BSPH1: variants seen among roughly 807,000 people sequenced by gnomAD.
BSPH1 encodes the protein binder of sperm protein homolog 1.
A neutral mutation model predicts 22.5 loss-of-function variants in BSPH1; 21 were observed. The ratio of observed to expected loss-of-function variants is 0.93; its 90% CI spans 0.66 to 1.35. BSPH1 has a LOEUF of 1.35. Ranked by LOEUF, BSPH1 falls within the 40% of genes most tolerant of loss-of-function variation. BSPH1 has a pLI of 0.00. For missense variants in BSPH1, 141 were observed against 154.2 expected (o/e 0.91, Z 0.45); for synonymous variants, 42 against 53.6 (o/e 0.78, Z 0.95).
intron 1 of BSPH1, among the ~76,000 whole-genome samples, chr19:47,991,450 CTCCTCCTCCTCCTTCCTT>C (rs1966873100): frequency 6.7e-6 from 1 of 149,700 alleles, no homozygotes; most frequent in South Asian, 2.2e-4. Context: ...TCCTTCTCCT[CTCCTCCTCCTCCTTCCTT>C]TCCTCCTCCT....
At chr19:47,968,860 A>C (rs1201305711) in intron 5 of BSPH1, among the ~76,000 whole-genome samples, 1 of 151,624 alleles carries the variant, frequency 6.6e-6, no homozygotes, top group Non-Finnish European at 1.5e-5. Context: ...TTAGTTGGGC[A>C]TGGTGGCGTG....
intron 1 of BSPH1, 74 bp from the exon 2 acceptor site, chr19:47,981,015 T>G: frequency 2.4e-6 from 2 of 825,790 alleles, no homozygotes; most frequent in South Asian, 3.7e-5. Context: ...CACCAATTTC[T>G]ATTCTAGTAA....
chr19:47,969,547 A>G, intron 5 of BSPH1, among the ~76,000 whole-genome samples: 1 of 152,130 alleles, frequency 6.6e-6, no homozygotes, highest in East Asian at 1.9e-4. Context: ...CTGTAATTCA[A>G]ATGGAGAAAA....
chr19:47,975,780 T>G (rs985986015), intron 5 of BSPH1, among the ~76,000 whole-genome samples: 1 of 151,312 alleles, frequency 6.6e-6, no homozygotes, highest in Non-Finnish European at 1.5e-5. Flanking sequence ...CTCAGCCTCC[T>G]GAGTAGCTGG....
chr19:47,975,093 C>A (rs992923986), intron 5 of BSPH1, among the ~76,000 whole-genome samples: 1 of 152,196 alleles, frequency 6.6e-6, no homozygotes, highest in Admixed American at 6.5e-5. Flanking sequence ...CAGTTTCTAC[C>A]GAAGGTGACT....
chr19:47,986,515 G>C (rs1455751445), intron 1 of BSPH1, among the ~76,000 whole-genome samples: 1 of 152,080 alleles, frequency 6.6e-6, no homozygotes, highest in Non-Finnish European at 1.5e-5. Context: ...GAGCCAGGAG[G>C]ACTGCTTGAA....
chr19:47,990,903 A>G (rs1039506953), intron 1 of BSPH1, among the ~76,000 whole-genome samples: 1 of 152,240 alleles, frequency 6.6e-6, no homozygotes, highest in Non-Finnish European at 1.5e-5. Flanking sequence ...GCATGAAGGG[A>G]GGAGACACAT....
downstream of BSPH1, among the ~76,000 whole-genome samples, chr19:47,967,489 A>G (rs1406227961): frequency 1.3e-5 from 2 of 152,194 alleles, no homozygotes; most frequent in Non-Finnish European, 2.9e-5. Flanking sequence ...GTACAGGATC[A>G]AGGTGACATC....
rs757548658 is a variant in BSPH1, at chr19:47,974,255, T to TTCTCTCTC, written c.*2+2447_*2+2454dup. Among the ~76,000 whole-genome samples the TTCTCTCTC allele has an allele frequency of 4.3e-3, 580 of 133,458 alleles. 16 individuals carry two copies. The highest frequency in any genetic ancestry group is 0.018 in the African/African-American group (554 of 30,570). 87.6% of individuals were successfully genotyped at this position (133,458 alleles called of 152,430 possible). ...TGGATTGGTCACTTCCACAGCCACT[T>TTCTCTCTC]TCTCTCTCTCTCTCTTTTTTTTTTT... On this transcript the variant is annotated intron_variant, in intron 5 of 5. Coordinates refer to ENST00000344839, the MANE Select transcript of BSPH1 (RefSeq NM_001128326.2).
At chr19:47,990,958 T>TA (rs1158685953) in intron 1 of BSPH1, among the ~76,000 whole-genome samples, 1 of 152,196 alleles carries the variant, frequency 6.6e-6, no homozygotes, top group Non-Finnish European at 1.5e-5. Context: ...TTTACATTCT[T>TA]AGTCTTTCAT....
downstream of BSPH1, among the ~76,000 whole-genome samples, chr19:47,967,690 C>T (rs1175272325): frequency 1.3e-5 from 2 of 152,200 alleles, no homozygotes; most frequent in East Asian, 1.9e-4. Context: ...TTAATTGCCT[C>T]TCTAAACACC....
chr19:47,977,948 A>T (rs528631701), intron 3 of BSPH1, among the ~76,000 whole-genome samples: 28 of 147,366 alleles, frequency 1.9e-4, no homozygotes, highest in African/African-American at 7.0e-4. Context: ...GGTTTTATAT[A>T]TATACTTATA....
At chr19:47,969,929 G>C (rs1400651138) in intron 5 of BSPH1, among the ~76,000 whole-genome samples, 3 of 149,840 alleles carry the variant, frequency 2.0e-5, no homozygotes, top group South Asian at 2.1e-4. Flanking sequence ...TTGTGAGAGA[G>C]AGACTTTAGA....
chr19:47,984,163 A>AATAT (rs1379417145), intron 1 of BSPH1, among the ~76,000 whole-genome samples: 24 of 135,900 alleles, frequency 1.8e-4, no homozygotes, highest in African/African-American at 4.1e-4. Context: ...AAAAAAAAAA[A>AATAT]ATATATATAT....
intron 1 of BSPH1, among the ~76,000 whole-genome samples, chr19:47,983,344 C>T (rs185728165): frequency 2.2e-4 from 34 of 152,278 alleles, no homozygotes; most frequent in African/African-American, 7.7e-4. Flanking sequence ...ATTGTTTCTA[C>T]TTCCTGGATT....
chr19:47,974,241 C>T (rs1969338361), intron 5 of BSPH1, among the ~76,000 whole-genome samples: 1 of 149,792 alleles, frequency 6.7e-6, no homozygotes, highest in East Asian at 2.0e-4. Context: ...GGATTGGTCA[C>T]TTCCACAGCC....
intron 1 of BSPH1, among the ~76,000 whole-genome samples, chr19:47,985,837 A>AG: frequency 6.6e-6 from 1 of 150,754 alleles, no homozygotes; most frequent in African/African-American, 2.4e-5. Context: ...TTTGTCTAGA[A>AG]AAAAAAAAAA....
intron 1 of BSPH1, among the ~76,000 whole-genome samples, chr19:47,990,656 T>G (rs989905663): frequency 8.5e-5 from 13 of 152,166 alleles, no homozygotes; most frequent in African/African-American, 3.1e-4. Context: ...GAAGAATACT[T>G]AAAAGAAATA....
intron 5 of BSPH1, among the ~76,000 whole-genome samples, chr19:47,976,466 A>T (rs1425555188): frequency 6.6e-6 from 1 of 151,818 alleles, no homozygotes; most frequent in Non-Finnish European, 1.5e-5. Context: ...CTAATTTTAC[A>T]CAGTTAGCAA....
Sources: allele counts gnomAD v4.1 joint callset (sites outside exome capture counted in the v4.1 genomes callset), GRCh38; gene constraint gnomAD v4.1.1; transcripts MANE v1.5; gene names NCBI Gene and HGNC (gene_info 2026-07-23, HGNC 2026-07-21).